MAML2: variants seen among roughly 807,000 people sequenced by gnomAD.
MAML2 encodes the protein mastermind-like protein 2.
In MAML2, 22 loss-of-function variants were observed where a neutral mutation model predicts 96.1. That is an observed-to-expected ratio of 0.23 (90% CI 0.16 to 0.33). MAML2 has a LOEUF of 0.33. Among genes scored for constraint, MAML2 ranks in the 10% least tolerant of loss-of-function variants. The probability of loss-of-function intolerance (pLI) is 1.00; values close to 1 mark genes in which losing one functional copy is unlikely to be tolerated. For synonymous variants in MAML2, 561 were observed against 521.3 expected, an observed-to-expected ratio of 1.08 and a Z score of -1.04; for missense variants, 1,367 against 1,392.4, an observed-to-expected ratio of 0.98 and a Z score of 0.29.
At chr11:96,305,903 A>T (rs1863454968) in intron 1 of MAML2, among the ~76,000 whole-genome samples, 1 of 152,206 alleles carries the variant, frequency 6.6e-6, no homozygotes. Flanking sequence ...ACAAGTATAA[A>T]CATTCTGAAA....
At chr11:96,056,454 A>G (rs937305900) in intron 2 of MAML2, among the ~76,000 whole-genome samples, 16 of 150,608 alleles carry the variant, frequency 1.1e-4, no homozygotes, top group Non-Finnish European at 1.9e-4. Context: ...CTTTTGTTCT[A>G]ACTTTTAGCT....
rs560647159 is a variant in MAML2 at position 96,270,189 on chromosome 11, T to C, written c.513+71194A>G. 6.6e-5 allele frequency among the ~76,000 whole-genome samples: 10 copies of C among 151,452 alleles called. 2 individuals are homozygous for C. The highest frequency in any genetic ancestry group is 1.2e-4 in the Non-Finnish European group (8 of 67,916). ...GCTGCTCCAGTAAAAAGACTTGGCA[T>C]CTAGGTTGATTACTCTTTTTTTAAA... On this transcript the variant is annotated intron_variant, in intron 1 of 4. Transcript: ENST00000524717.
intron 1 of MAML2, among the ~76,000 whole-genome samples, chr11:96,271,531 C>G (rs1238912906): frequency 1.3e-5 from 2 of 152,202 alleles, no homozygotes; most frequent in African/African-American, 4.8e-5. Flanking sequence ...GAGCAGTTAC[C>G]TCCATGCTGT....
intron 2 of MAML2, among the ~76,000 whole-genome samples, chr11:96,075,893 G>A (rs1859426825): frequency 6.6e-6 from 1 of 152,288 alleles, no homozygotes; most frequent in South Asian, 2.1e-4. Flanking sequence ...CATATTGATT[G>A]TATGCTAATA....
At chr11:96,188,827 G>A (rs1260350848) in intron 1 of MAML2, among the ~76,000 whole-genome samples, 2 of 152,038 alleles carry the variant, frequency 1.3e-5, no homozygotes, top group African/African-American at 4.8e-5. Flanking sequence ...CTGAAAGGAA[G>A]TGTCACAGGA....
At chr11:96,157,763 C>T (rs183822559) in intron 1 of MAML2, among the ~76,000 whole-genome samples, 9 of 152,288 alleles carry the variant, frequency 5.9e-5, no homozygotes, top group Non-Finnish European at 1.2e-4. Context: ...AAAGCTTGTA[C>T]ATGTGGGTTC....
In MAML2 at chr11:96,343,105, C is replaced by A. The variant is rs996558019; in HGVS notation, c.-1210G>T. The A allele has an allele frequency of 1.3e-5, 5 of 398,438 alleles. No homozygotes were observed. The highest frequency in any genetic ancestry group is 4.4e-5 in the Admixed American group (1 of 22,704). The allele number at this position is 398,438 out of a possible 1,614,324, so 24.7% of individuals were successfully genotyped here. The stretch of plus-strand genomic sequence containing the variant: ...TTTCTCTTTCTCGTCTGTTGTTAGC[C>A]GCTTTGCTGACACTGGCTCGCGCCC... On this transcript the variant is annotated 5_prime_UTR_variant, in exon 1 of 5. Coordinates refer to ENST00000524717, the MANE Select transcript of MAML2 (RefSeq NM_032427.4).
intron 1 of MAML2, among the ~76,000 whole-genome samples, chr11:96,206,251 C>T (rs1341178187): frequency 6.6e-6 from 1 of 152,092 alleles, no homozygotes; most frequent in Non-Finnish European, 1.5e-5. Context: ...ATCAGTAATA[C>T]AAGAGAAAGT....
intron 1 of MAML2, among the ~76,000 whole-genome samples, chr11:96,179,787 A>G (rs1861453885): frequency 6.6e-6 from 1 of 152,216 alleles, no homozygotes. Context: ...CTCTCAGGAC[A>G]TCTGTGTTTC....
At chr11:96,055,579 G>A (rs1859053775) in intron 2 of MAML2, among the ~76,000 whole-genome samples, 1 of 152,184 alleles carries the variant, frequency 6.6e-6, no homozygotes, top group South Asian at 2.1e-4. Flanking sequence ...TGACACCTTT[G>A]CTCCAGTGCT....
At chr11:96,257,577 C>CA (rs1375968011) in intron 1 of MAML2, among the ~76,000 whole-genome samples, 1 of 152,160 alleles carries the variant, frequency 6.6e-6, no homozygotes, top group Non-Finnish European at 1.5e-5. Flanking sequence ...CACAGTCTAA[C>CA]AGTCTTCATT....
At chr11:96,061,812 T>G (rs1859164665) in intron 2 of MAML2, among the ~76,000 whole-genome samples, 1 of 152,142 alleles carries the variant, frequency 6.6e-6, no homozygotes. Flanking sequence ...TTTTAATATC[T>G]TAATTTTTCT....
At chr11:96,200,100 G>A (rs1443725110) in intron 1 of MAML2, among the ~76,000 whole-genome samples, 6 of 152,150 alleles carry the variant, frequency 3.9e-5, no homozygotes, top group East Asian at 1.9e-4. Context: ...AGTATCAGAG[G>A]AATTTAGTTA....
In MAML2 at chr11:96,092,859, A is replaced by G. The variant is rs1259231576; in HGVS notation, c.1172T>C (p.Phe391Ser). ...GGAGAGGGCAGAGTTGGCCATGGAGAATGCGGGGCCAGCTGATGGGGGCCT... is the reference window on the plus strand; with the variant it reads ...GGAGAGGGCAGAGTTGGCCATGGAGGATGCGGGGCCAGCTGATGGGGGCCT... The part of the protein sequence containing the change: ...QLRPPSAGPA[F>S]SMANSALSTS... Residue 391 changes from phenylalanine to serine, a missense_variant, in exon 2 of 5, where the codon TTC (phenylalanine) becomes TCC (serine). By Grantham distance (155) the Phe-to-Ser change is radical. Coordinates refer to ENST00000524717, the MANE Select transcript of MAML2 (RefSeq NM_032427.4). The surrounding 1 kb of genome is among the most constrained non-coding windows in gnomAD (Gnocchi z 4.1). 6.2e-7 allele frequency: 1 copy of G among 1,606,918 alleles called. No homozygotes were observed. Among genetic ancestry groups the G allele is most frequent in the Admixed American group, 1.7e-5 (1 of 59,502 alleles).
chr11:96,302,923 A>G (rs965074488), intron 1 of MAML2, among the ~76,000 whole-genome samples: 1 of 152,194 alleles, frequency 6.6e-6, no homozygotes, highest in African/African-American at 2.4e-5. Context: ...AAGGGCTACT[A>G]TTATTTAACC....
chr11:96,330,463 T>C (rs114541264), intron 1 of MAML2, among the ~76,000 whole-genome samples: 4,673 of 152,306 alleles, frequency 0.031, 218 homozygotes, highest in African/African-American at 0.11. Context: ...GCTAATGAAA[T>C]AGAGTCATTT....
chr11:96,000,318 C>T (rs548028), intron 2 of MAML2, among the ~76,000 whole-genome samples: 2,623 of 152,260 alleles, frequency 0.017, 70 homozygotes, highest in African/African-American at 0.06. Context: ...CCTAATCCAG[C>T]CTGCCACCGT....
At chr11:96,180,769 A>AT (rs1459210344) in intron 1 of MAML2, among the ~76,000 whole-genome samples, 2 of 152,202 alleles carry the variant, frequency 1.3e-5, no homozygotes, top group Non-Finnish European at 2.9e-5. Flanking sequence ...GAGACCACCA[A>AT]ACAGGCTTTG....
chr11:96,301,494 C>T (rs1053441555), intron 1 of MAML2, among the ~76,000 whole-genome samples: 10 of 152,164 alleles, frequency 6.6e-5, no homozygotes, highest in African/African-American at 1.4e-4. Flanking sequence ...AGAGCAGAGC[C>T]GTCCCACATA....
Sources: allele counts gnomAD v4.1 joint callset (sites outside exome capture counted in the v4.1 genomes callset), GRCh38; gene constraint gnomAD v4.1.1; non-coding constraint Gnocchi (gnomAD v3.1); transcripts MANE v1.5; gene names NCBI Gene and HGNC (gene_info 2026-07-23, HGNC 2026-07-21).